Variants in NRG3 observed in about 807,000 individuals in gnomAD.
NRG3 encodes the protein pro-neuregulin-3, membrane-bound isoform.
In NRG3, 31 loss-of-function variants were observed where a neutral mutation model predicts 66.9. That is an observed-to-expected ratio of 0.46 (90% CI 0.35 to 0.63). The LOEUF (loss-of-function observed/expected upper bound fraction) is 0.63. NRG3 is among the 20% of genes least tolerant of loss of function. The pLI, the probability that NRG3 is intolerant of heterozygous loss-of-function variation, is 0.00. For missense variants in NRG3, 910 were observed against 878.9 expected, an observed-to-expected ratio of 1.04 and a Z score of -0.45; for synonymous variants, 393 against 359.4, an observed-to-expected ratio of 1.09 and a Z score of -1.06.
chr10:82,607,863 A>G lies in NRG3; in HGVS notation c.954-130714A>G, dbSNP rs1368498058. On this transcript the variant is annotated intron_variant, in intron 2 of 8. Transcript: ENST00000372141. ...TTGTATTGCAAGTACTTTATAACAG[A>G]GAAGTCCCAGTCCCTCCCTTCTAGC... 7.9e-5 allele frequency among the ~76,000 whole-genome samples: 12 copies of G among 152,274 alleles called. No homozygotes were observed. The South Asian group carries it at 2.1e-3, about 26-fold the overall frequency.
chr10:82,290,841 CA>C (rs1465639491), intron 1 of NRG3, among the ~76,000 whole-genome samples: 1 of 148,882 alleles, frequency 6.7e-6, no homozygotes, highest in Non-Finnish European at 1.5e-5. Context: ...GACGGGGTTT[CA>C]CCATGTTAGC....
chr10:82,744,483 G>A (rs2058561755), intron 3 of NRG3, among the ~76,000 whole-genome samples: 1 of 152,054 alleles, frequency 6.6e-6, no homozygotes, highest in Admixed American at 6.6e-5. Context: ...CTATTCATGA[G>A]GATTTCTTCT....
At chr10:82,459,447 A>G (rs1426705179) in intron 2 of NRG3, among the ~76,000 whole-genome samples, 1 of 152,210 alleles carries the variant, frequency 6.6e-6, no homozygotes, top group African/African-American at 2.4e-5. Flanking sequence ...CTGAGCAACT[A>G]TTGCATGTTA....
intron 1 of NRG3, among the ~76,000 whole-genome samples, chr10:81,891,849 A>C (rs1399540485): frequency 6.6e-6 from 1 of 152,142 alleles, no homozygotes; most frequent in African/African-American, 2.4e-5. Flanking sequence ...GATGTGGCAA[A>C]GATTCCAGGA....
intron 2 of NRG3, among the ~76,000 whole-genome samples, chr10:82,362,546 G>GTTTTT (rs1564840125): frequency 1.1e-5 from 1 of 91,350 alleles, no homozygotes; most frequent in Admixed American, 1.3e-4. Flanking sequence ...GATAATTTCT[G>GTTTTT]GGTTTTTTTT....
chr10:81,964,639 A>G (rs1212959586), intron 1 of NRG3, among the ~76,000 whole-genome samples: 1 of 152,178 alleles, frequency 6.6e-6, no homozygotes, highest in African/African-American at 2.4e-5. Context: ...ATACTGGATC[A>G]GACAGTGTGC....
chr10:82,405,539 C>T (rs1564884972), intron 2 of NRG3, among the ~76,000 whole-genome samples: 1 of 149,944 alleles, frequency 6.7e-6, no homozygotes, highest in African/African-American at 2.5e-5. Context: ...TCACTGCAAC[C>T]TCCCCCTCCT....
At chr10:82,124,743 A>AT (rs1681350281) in intron 1 of NRG3, among the ~76,000 whole-genome samples, 1 of 151,316 alleles carries the variant, frequency 6.6e-6, no homozygotes, top group South Asian at 2.1e-4. Context: ...AAAAAAAAAA[A>AT]GTTTAACAAG....
At chr10:82,156,324 C>T (rs747886023) in intron 1 of NRG3, among the ~76,000 whole-genome samples, 3 of 151,172 alleles carry the variant, frequency 2.0e-5, no homozygotes, top group Non-Finnish European at 4.4e-5. Flanking sequence ...GAATTTCAGT[C>T]TCAGCTTTGC....
At chr10:82,015,401 A>G (rs2061743123) in intron 1 of NRG3, among the ~76,000 whole-genome samples, 1 of 152,160 alleles carries the variant, frequency 6.6e-6, no homozygotes, top group Admixed American at 6.6e-5. Context: ...AAAGTTGGGA[A>G]CAAATCTCAT....
At chr10:82,343,859 C>T (rs945128600) in intron 1 of NRG3, among the ~76,000 whole-genome samples, 2 of 152,058 alleles carry the variant, frequency 1.3e-5, no homozygotes, top group Middle Eastern at 3.4e-3. Flanking sequence ...AACATTTAGC[C>T]CCAGAGGGAC....
intron 1 of NRG3, among the ~76,000 whole-genome samples, chr10:82,252,201 A>T (rs1335208736): frequency 6.6e-6 from 1 of 152,238 alleles, no homozygotes. Flanking sequence ...ATTTAAGTCC[A>T]TGAATGAAGA....
At chr10:82,913,433 T>C (rs994669071) in intron 4 of NRG3, among the ~76,000 whole-genome samples, 1 of 152,208 alleles carries the variant, frequency 6.6e-6, no homozygotes, top group Non-Finnish European at 1.5e-5. Context: ...TTCTGACATA[T>C]AATTTTCCTT....
intron 1 of NRG3, among the ~76,000 whole-genome samples, chr10:82,348,924 C>T (rs1453223954): frequency 2.0e-5 from 3 of 147,088 alleles, no homozygotes; most frequent in African/African-American, 7.5e-5. Context: ...TCCATCAGCT[C>T]CTTTAAGCAC....
chr10:82,350,878 G>A (rs939975997), intron 1 of NRG3, among the ~76,000 whole-genome samples: 1 of 148,140 alleles, frequency 6.8e-6, no homozygotes, highest in African/African-American at 2.6e-5. Context: ...TGCTATTGAG[G>A]TGGTTGTGTT....
chr10:82,595,206 C>T lies in NRG3; in HGVS notation c.954-143371C>T, dbSNP rs188645413. Among the ~76,000 whole-genome samples, 49 of 152,256 alleles carry T rather than the reference C, an allele frequency of 3.2e-4. 1 individual carries two copies. The highest frequency in any genetic ancestry group is 2.3e-3 in the East Asian group (12 of 5,158). On this transcript the variant is annotated intron_variant, in intron 2 of 8. Coordinates refer to ENST00000372141, the MANE Select transcript of NRG3 (RefSeq NM_001010848.4). ...TTCTAATTGAAAAGAAAGCCTCTAACTCAGCTGACATGGAACAGTCTCCTG... is the reference window on the plus strand; with the variant it reads ...TTCTAATTGAAAAGAAAGCCTCTAATTCAGCTGACATGGAACAGTCTCCTG...
chr10:82,937,015 T>C (rs1283217703), intron 4 of NRG3, among the ~76,000 whole-genome samples: 1 of 152,214 alleles, frequency 6.6e-6, no homozygotes, highest in Non-Finnish European at 1.5e-5. Flanking sequence ...ATTATTGCTG[T>C]GACTATCATT....
At chr10:81,898,580 G>A (rs1256883473) in intron 1 of NRG3, among the ~76,000 whole-genome samples, 3 of 152,256 alleles carry the variant, frequency 2.0e-5, no homozygotes, top group East Asian at 3.9e-4. Flanking sequence ...TTAAAGGCAG[G>A]GTGACATGGG....
At chr10:82,048,264 A>G (rs1488588806) in intron 1 of NRG3, among the ~76,000 whole-genome samples, 1 of 152,088 alleles carries the variant, frequency 6.6e-6, no homozygotes, top group Non-Finnish European at 1.5e-5. Flanking sequence ...AGACATCTAC[A>G]GAACTCTCCA....
Sources: allele counts gnomAD v4.1 joint callset (sites outside exome capture counted in the v4.1 genomes callset), GRCh38; gene constraint gnomAD v4.1.1; transcripts MANE v1.5; gene names NCBI Gene and HGNC (gene_info 2026-07-23, HGNC 2026-07-21).